The following MAST4 variants were observed in gnomAD, a reference collection of about 807,000 sequenced individuals.
MAST4 encodes the protein microtubule-associated serine/threonine-protein kinase 4.
Under a neutral mutation model 162.7 loss-of-function variants are expected in MAST4, and 89 were observed. The ratio of observed to expected loss-of-function variants is 0.55; its 90% CI spans 0.46 to 0.65. The LOEUF (loss-of-function observed/expected upper bound fraction) is 0.65. Ranked by LOEUF, MAST4 falls within the 30% of genes least tolerant of loss-of-function variation. The pLI, the probability that MAST4 is intolerant of heterozygous loss-of-function variation, is 0.00. For synonymous variants in MAST4, 1,479 were observed against 1,361.1 expected, an observed-to-expected ratio of 1.09 and a Z score of -1.91; for missense variants, 3,153 against 3,374.0, an observed-to-expected ratio of 0.93 and a Z score of 1.62.
chr5:66,969,625 G>A (rs1451772328), intron 4 of MAST4, among the ~76,000 whole-genome samples: 2 of 152,200 alleles, frequency 1.3e-5, no homozygotes, highest in Non-Finnish European at 1.5e-5. Flanking sequence ...GCTTGGAAAG[G>A]TTACTGGGTA....
intron 4 of MAST4, among the ~76,000 whole-genome samples, chr5:67,037,979 G>T (rs1433867051): frequency 1.3e-5 from 2 of 151,466 alleles, no homozygotes; most frequent in Non-Finnish European, 1.5e-5. Context: ...ATTATGTTTT[G>T]TTTAACAATA....
At chr5:66,672,465 C>T (rs1348042034) in intron 1 of MAST4, among the ~76,000 whole-genome samples, 3 of 152,028 alleles carry the variant, frequency 2.0e-5, no homozygotes, top group East Asian at 1.9e-4. Flanking sequence ...AATGTATTTT[C>T]GTTTTCTATC....
Position 66,891,437 on chromosome 5 carries a change from G to A in MAST4, c.643-8514G>A, listed in dbSNP as rs137995778. Among the ~76,000 whole-genome samples, 5 of 152,270 alleles carry A rather than the reference G, an allele frequency of 3.3e-5. No homozygotes were observed. The East Asian group carries it at 9.7e-4, about 29-fold the overall frequency. Reference sequence around the variant, plus strand: ...TTCTCTCCCATGTTGCCCTCCCAGAGCCATGTGACACCCTAATGCCAGAGT... The same window carrying A: ...TTCTCTCCCATGTTGCCCTCCCAGAACCATGTGACACCCTAATGCCAGAGT... On this transcript the variant is annotated intron_variant, in intron 3 of 28. Coordinates refer to ENST00000403625, the MANE Select transcript of MAST4 (RefSeq NM_001164664.2).
intron 4 of MAST4, among the ~76,000 whole-genome samples, chr5:67,016,112 C>T (rs535826411): frequency 4.6e-5 from 7 of 152,024 alleles, no homozygotes; most frequent in Admixed American, 3.3e-4. Flanking sequence ...GAGTAACATG[C>T]GGTAACTGGT....
At chr5:66,718,105 T>C (rs1442749665) in intron 1 of MAST4, among the ~76,000 whole-genome samples, 1 of 152,180 alleles carries the variant, frequency 6.6e-6, no homozygotes, top group Non-Finnish European at 1.5e-5. Context: ...CAAAGGCTCT[T>C]TTCAGAGTCT....
At chr5:66,624,111 T>C (rs535840690) in intron 1 of MAST4, among the ~76,000 whole-genome samples, 2 of 151,188 alleles carry the variant, frequency 1.3e-5, no homozygotes, top group Admixed American at 1.3e-4. Context: ...AAAGATCTCA[T>C]GTTCACAGAT....
rs559322741 is a variant in MAST4 at position 66,700,581 on chromosome 5, G to A, written c.364-59128G>A. 7.9e-4 allele frequency among the ~76,000 whole-genome samples: 120 copies of A among 152,066 alleles called. 1 individual carries two copies. Among genetic ancestry groups the A allele is most frequent in the African/African-American group, 2.8e-3 (116 of 41,478 alleles). On this transcript the variant is annotated intron_variant, in intron 1 of 28. Transcript: ENST00000403625. ...CACCTGTAATCCCAGCTAACTGGGA[G>A]GCTGAGGCACGAGAATTGCTTGAAC...
chr5:67,106,587 C>T (rs1262305519), intron 10 of MAST4, among the ~76,000 whole-genome samples: 2 of 152,200 alleles, frequency 1.3e-5, no homozygotes, highest in Non-Finnish European at 2.9e-5. Flanking sequence ...AGCTCAGACC[C>T]TCATCCTCAC....
At chr5:67,014,593 A>G (rs1753063719) in intron 4 of MAST4, among the ~76,000 whole-genome samples, 1 of 152,212 alleles carries the variant, frequency 6.6e-6, no homozygotes, top group Admixed American at 6.5e-5. Flanking sequence ...TTCTCAATAG[A>G]TGCCTTCTCT....
chr5:66,823,621 G>A (rs777637964), intron 3 of MAST4, among the ~76,000 whole-genome samples: 11 of 152,062 alleles, frequency 7.2e-5, no homozygotes, highest in Non-Finnish European at 1.6e-4. Context: ...GGGATTACAG[G>A]TGTGTGTGCT....
chr5:67,160,871 T>G (rs192390124), intron 27 of MAST4, among the ~76,000 whole-genome samples: 1 of 152,366 alleles, frequency 6.6e-6, no homozygotes, highest in East Asian at 1.9e-4. Flanking sequence ...CCTCTTCACT[T>G]GATTTCAGTT....
chr5:67,013,261 G>T (rs1048305063), intron 4 of MAST4, among the ~76,000 whole-genome samples: 1 of 152,176 alleles, frequency 6.6e-6, no homozygotes, highest in Non-Finnish European at 1.5e-5. Context: ...AGCACCTTGT[G>T]CCCCTGGAAA....
At chr5:66,798,393 G>A (rs1270717881) in intron 3 of MAST4, among the ~76,000 whole-genome samples, 2 of 152,174 alleles carry the variant, frequency 1.3e-5, no homozygotes, top group African/African-American at 4.8e-5. Flanking sequence ...CCTTGCTCAA[G>A]TTTTGATAAT....
chr5:67,020,795 G>T (rs749010415), intron 4 of MAST4, among the ~76,000 whole-genome samples: 15 of 152,136 alleles, frequency 9.9e-5, no homozygotes, highest in Admixed American at 2.6e-4. Flanking sequence ...AAGTAAAATG[G>T]ATTGTGACGC....
chr5:67,130,032 A>G (rs897487702), intron 14 of MAST4, among the ~76,000 whole-genome samples, 178 bp from the exon 15 acceptor site: 2 of 152,132 alleles, frequency 1.3e-5, no homozygotes, highest in African/African-American at 4.8e-5. Context: ...AAAAAAATCA[A>G]TCTAGCCAAA....
rs1263031650 is a variant in MAST4 at position 67,163,571 on chromosome 5, C to A, written c.4392C>A (p.Arg1464=). 4 of 1,594,656 alleles carry A rather than the reference C, an allele frequency of 2.5e-6. No individual in the cohort carries two copies. The highest frequency in any genetic ancestry group is 3.5e-5 in the Admixed American group (2 of 56,490). Residue 1464 remains arginine, a synonymous_variant, in exon 29 of 29, where the codon CGC becomes CGA. Transcript: ENST00000403625. The surrounding 1 kb of genome is among the most constrained non-coding windows in gnomAD (Gnocchi z 7.0). The stretch of plus-strand genomic sequence containing the variant: ...GTGACAAGAAGCACCTGTGCTCCCG[C>A]AAGCACAGCCTGGAGGTGACCCAAG... ...YGSDKKHLCS[R]KHSLEVTQEE...
At chr5:67,007,012 C>T (rs1053995820) in intron 4 of MAST4, among the ~76,000 whole-genome samples, 3 of 152,118 alleles carry the variant, frequency 2.0e-5, no homozygotes, top group Non-Finnish European at 4.4e-5. Context: ...AAATAAACAT[C>T]CCAAAGATCA....
At position 67,165,167 on chromosome 5, in the gene MAST4, C is replaced by G; in HGVS notation, c.5988C>G (p.Pro1996=). ...SAARADTCRE[P]SMELCFPETA... ...CGAGGGCTGACACATGCAGAGAGCC[C>G]TCCATGGAACTGTGCTTTCCAGAAA... The change falls in exon 29 of 29, where the codon CCC becomes CCG. Residue 1996 remains proline, a synonymous_variant. Coordinates refer to ENST00000403625, the MANE Select transcript of MAST4 (RefSeq NM_001164664.2). 6.2e-7 allele frequency: 1 copy of G among 1,601,746 alleles called. No homozygotes were observed. Among genetic ancestry groups the G allele is most frequent in the Non-Finnish European group, 8.5e-7 (1 of 1,174,044 alleles).
At chr5:66,628,055 A>G (rs1744552689) in intron 1 of MAST4, among the ~76,000 whole-genome samples, 1 of 152,164 alleles carries the variant, frequency 6.6e-6, no homozygotes, top group African/African-American at 2.4e-5. Flanking sequence ...TTTTAGAGAC[A>G]GAGTTTTGCT....
Sources: allele counts gnomAD v4.1 joint callset (sites outside exome capture counted in the v4.1 genomes callset), GRCh38; gene constraint gnomAD v4.1.1; non-coding constraint Gnocchi (gnomAD v3.1); transcripts MANE v1.5; gene names NCBI Gene and HGNC (gene_info 2026-07-23, HGNC 2026-07-21).